The following SLC29A4 variants were observed in gnomAD, a reference collection of about 807,000 sequenced individuals.
SLC29A4 encodes equilibrative nucleoside transporter 4.
SLC29A4 carries 36 observed loss-of-function variants against 43.9 expected under a neutral mutation model. The observed-to-expected ratio is 0.82, with a 90% CI of 0.63 to 1.08. SLC29A4 has a LOEUF of 1.08. Among genes scored for constraint, SLC29A4 ranks in the 50% least tolerant of loss-of-function variants. The pLI is 0.00. For missense variants in SLC29A4, 869 were observed against 755.3 expected, an observed-to-expected ratio of 1.15 and a Z score of -1.77; for synonymous variants, 491 against 338.0, an observed-to-expected ratio of 1.45 and a Z score of -4.97.
At chr7:5,296,723 T>C (rs1471255891) in intron 6 of SLC29A4, among the ~76,000 whole-genome samples, 1 of 120,882 alleles carries the variant, frequency 8.3e-6, no homozygotes, top group Non-Finnish European at 1.8e-5. Context: ...GGGAGTGGGG[T>C]GGTGGCAGTG....
chr7:5,295,469 G>C (rs759588669), intron 6 of SLC29A4, among the ~76,000 whole-genome samples: 12 of 152,054 alleles, frequency 7.9e-5, no homozygotes, highest in Non-Finnish European at 1.6e-4. Context: ...CTTTGCTCAC[G>C]CCTGAACCTT....
At chr7:5,284,605 C>A (rs560902803) in intron 1 of SLC29A4, among the ~76,000 whole-genome samples, 77 of 152,344 alleles carry the variant, frequency 5.1e-4, no homozygotes, top group African/African-American at 1.8e-3. Context: ...GGGGACAGGG[C>A]AGGAGGCCCT....
Position 5,293,460 on chromosome 7 carries a change from A to G in SLC29A4, c.545-1400A>G, listed in dbSNP as rs578065473. Reference sequence around the variant, plus strand: ...GCTAGGATTACAGGCGTGAGCCACTATGCCTAGCCAGCTTGGTAGACTTTC... The same window carrying G: ...GCTAGGATTACAGGCGTGAGCCACTGTGCCTAGCCAGCTTGGTAGACTTTC... On this transcript the variant is annotated intron_variant, in intron 5 of 10. Transcript: ENST00000396872. Among the ~76,000 whole-genome samples the G allele has an allele frequency of 6.8e-4, 103 of 152,260 alleles. 1 individual carries two copies. The highest frequency in any genetic ancestry group is 5.4e-3 in the South Asian group (26 of 4,826).
At chr7:5,298,917 C>G in intron 7 of SLC29A4, 71 bp from the exon 8 acceptor site, 2 of 1,541,690 alleles carry the variant, frequency 1.3e-6, no homozygotes, top group Non-Finnish European at 8.7e-7. Context: ...TCTGATTGGG[C>G]CTGGATTCCT....
At chr7:5,285,468 A>G (rs981438922) in intron 1 of SLC29A4, among the ~76,000 whole-genome samples, 1 of 152,262 alleles carries the variant, frequency 6.6e-6, no homozygotes, top group African/African-American at 2.4e-5. Flanking sequence ...CCAGCCCCCA[A>G]GACCTGGAAA....
chr7:5,286,629 A>T (rs1784970800), intron 1 of SLC29A4, among the ~76,000 whole-genome samples: 1 of 152,146 alleles, frequency 6.6e-6, no homozygotes, highest in East Asian at 1.9e-4. Context: ...ATCACAGATG[A>T]CTTAGCTCCT....
In SLC29A4 at chr7:5,291,716, C is replaced by G; in HGVS notation, c.439C>G (p.Leu147Val). Residue 147 changes from leucine (L) to valine (V), a missense_variant, in exon 5 of 11, where the codon CTC (leucine) becomes GTC (valine). Transcript: ENST00000396872. ...AGGCTACCTCTTAGCCTTGGGCCCTCTCCTTTTTATCAGCATCTGCGACGT... is the reference window on the plus strand; with the variant it reads ...AGGCTACCTCTTAGCCTTGGGCCCTGTCCTTTTTATCAGCATCTGCGACGT... ...TAGYLLALGP[L>V]LFISICDVWL... is the part of the protein sequence containing the mutation. 1.2e-6 allele frequency: 2 copies of G among 1,611,850 alleles called. No individual in the cohort carries two copies.
At chr7:5,283,605 C>CG (rs1157509955) in intron 1 of SLC29A4, among the ~76,000 whole-genome samples, 2 of 152,158 alleles carry the variant, frequency 1.3e-5, no homozygotes, top group Non-Finnish European at 2.9e-5. Flanking sequence ...GCGGTGGGCC[C>CG]GGGGGGCCAG....
intron 10 of SLC29A4, among the ~76,000 whole-genome samples, chr7:5,301,153 A>G (rs1186692256): frequency 1.3e-5 from 2 of 151,650 alleles, no homozygotes; most frequent in African/African-American, 4.9e-5. Context: ...GGTCCCAGCT[A>G]CTCGGGAGGC....
intron 1 of SLC29A4, among the ~76,000 whole-genome samples, chr7:5,284,035 C>CCG (rs1784814123): frequency 1.6e-5 from 1 of 61,038 alleles, no homozygotes; most frequent in African/African-American, 5.5e-5. Context: ...CTGCACGACC[C>CCG]CCCCCCCCAC....
chr7:5,288,174 C>G (rs575327518), intron 2 of SLC29A4, among the ~76,000 whole-genome samples, 189 bp downstream of exon 2: 1 of 152,300 alleles, frequency 6.6e-6, no homozygotes, highest in South Asian at 2.1e-4. Flanking sequence ...CGCCCTGATG[C>G]TGCATGTCCC....
intron 7 of SLC29A4, among the ~76,000 whole-genome samples, chr7:5,297,591 G>A (rs1583671953): frequency 1.3e-5 from 2 of 152,234 alleles, no homozygotes; most frequent in Admixed American, 6.5e-5. Context: ...AACCCACGTT[G>A]GAGAGTCCTC....
At chr7:5,294,383 A>G (rs990359000) in intron 5 of SLC29A4, among the ~76,000 whole-genome samples, 1 of 152,082 alleles carries the variant, frequency 6.6e-6, no homozygotes, top group Non-Finnish European at 1.5e-5. Flanking sequence ...TTAGGATGAG[A>G]GGGGTTATTG....
At chr7:5,295,753 C>T (rs751058611) in intron 6 of SLC29A4, among the ~76,000 whole-genome samples, 5 of 91,272 alleles carry the variant, frequency 5.5e-5, no homozygotes, top group Admixed American at 3.1e-4. Context: ...CCACCAGATG[C>T]CCCAGAGCTT....
intron 8 of SLC29A4, 49 bp downstream of exon 8, chr7:5,299,175 G>C: frequency 6.3e-7 from 1 of 1,599,012 alleles, no homozygotes. Context: ...CCCAGGCAGG[G>C]GGTGGGGGAG....
Position 5,286,014 on chromosome 7 carries a change from AAAAAAAC to A in SLC29A4, c.-8-1781_-8-1775del, listed in dbSNP as rs200221494. 5.7e-4 allele frequency among the ~76,000 whole-genome samples: 86 copies of A among 152,114 alleles called. 1 individual carries two copies. The East Asian group carries it at 0.013, about 23-fold the overall frequency. On this transcript the variant is annotated intron_variant, in intron 1 of 10. Coordinates refer to ENST00000396872, the MANE Select transcript of SLC29A4 (RefSeq NM_153247.4). Reference sequence around the variant, plus strand: ...AACAAAGCGAGACTCTGTCTCAGAAAAAAAAACAAAAAACAAAAAAATCAAGGTTCCT... The same window carrying A: ...AACAAAGCGAGACTCTGTCTCAGAAAAAAAAACAAAAAAATCAAGGTTCCT...
At chr7:5,287,701 C>T (rs1477998574) in intron 1 of SLC29A4, 108 bp from the exon 2 acceptor site, 1 of 1,187,112 alleles carries the variant, frequency 8.4e-7, no homozygotes, top group East Asian at 2.7e-5. Flanking sequence ...ACGAGTGTGA[C>T]CAAAGTGACA....
At position 5,300,549 on chromosome 7, in the gene SLC29A4, C is replaced by A. The variant is rs768368568; in HGVS notation, c.1337C>A (p.Pro446His). The A allele has an allele frequency of 6.2e-7, 1 of 1,612,282 alleles. No individual in the cohort carries two copies. Among genetic ancestry groups the A allele is most frequent in the Non-Finnish European group, 8.5e-7 (1 of 1,179,770 alleles). Residue 446 changes from proline to histidine, a missense_variant, in exon 10 of 11, where the codon CCC (proline) becomes CAC (histidine). Transcript: ENST00000396872. ...YPSGMPALRH[P>H]AWPCIFSLLM... ...AGCGGCATGCCCGCCCTCCGTCACCCCGCCTGGCCCTGCATCTTCTCACTG... is the reference window on the plus strand; with the variant it reads ...AGCGGCATGCCCGCCCTCCGTCACCACGCCTGGCCCTGCATCTTCTCACTG...
chr7:5,299,178 TG>T, intron 8 of SLC29A4, 52 bp downstream of exon 8: 1 of 1,598,188 alleles, frequency 6.3e-7, no homozygotes, highest in Non-Finnish European at 8.5e-7. Context: ...AGGCAGGGGG[TG>T]GGGGAGGCAG....
Sources: allele counts gnomAD v4.1 joint callset (sites outside exome capture counted in the v4.1 genomes callset), GRCh38; gene constraint gnomAD v4.1.1; transcripts MANE v1.5; gene names NCBI Gene and HGNC (gene_info 2026-07-23, HGNC 2026-07-21).